BTG4: variants seen among roughly 807,000 people sequenced by gnomAD.
The protein encoded by BTG4 is protein BTG4.
Under a neutral mutation model 19.3 loss-of-function variants are expected in BTG4, and 10 were observed. That is an observed-to-expected ratio of 0.52 (90% CI 0.32 to 0.88). The LOEUF is 0.88. Among genes scored for constraint, BTG4 ranks in the 40% least tolerant of loss-of-function variants. The probability of loss-of-function intolerance (pLI) is 0.04; values close to 1 mark genes in which losing one functional copy is unlikely to be tolerated. For missense variants in BTG4, 238 were observed against 281.9 expected (o/e 0.84, Z 1.11); for synonymous variants, 91 against 95.7 (o/e 0.95, Z 0.29).
intron 1 of BTG4, among the ~76,000 whole-genome samples, chr11:111,509,611 G>A (rs367693494): frequency 4.6e-5 from 7 of 151,894 alleles, no homozygotes; most frequent in East Asian, 1.9e-4. Flanking sequence ...CAAAAGAATC[G>A]CTTGAACCTA....
chr11:111,507,040 T>A (rs749068534), intron 1 of BTG4, among the ~76,000 whole-genome samples: 3 of 151,922 alleles, frequency 2.0e-5, no homozygotes, highest in Non-Finnish European at 2.9e-5. Flanking sequence ...GAGGATTATG[T>A]AAATTTTTTA....
the BTG4 span, chr11:111,414,237 C>G: frequency 6.6e-6 from 1 of 152,190 alleles, no homozygotes. Context: ...AAGGTGGACA[C>G]AGAGTGCATG....
chr11:111,497,040 G>T (rs1409419697), intron 4 of BTG4, 171 bp downstream of exon 4: 2 of 563,096 alleles, frequency 3.6e-6, no homozygotes. Context: ...GGAATACATT[G>T]TGCAGTGAAG....
intron 3 of BTG4, among the ~76,000 whole-genome samples, 166 bp from the exon 4 acceptor site, chr11:111,497,575 T>C (rs1029997089): frequency 1.3e-5 from 2 of 152,244 alleles, no homozygotes; most frequent in African/African-American, 4.8e-5. Flanking sequence ...TAGGATATTC[T>C]ATAAGAGCTA....
At chr11:111,436,441 C>T in the BTG4 span, among the ~76,000 whole-genome samples, 1 of 152,126 alleles carries the variant, frequency 6.6e-6, no homozygotes, top group Non-Finnish European at 1.5e-5. Context: ...GCCTGGCAAA[C>T]ATGGCAAAAC....
chr11:111,408,878 A>G, the BTG4 span, among the ~76,000 whole-genome samples: 11 of 152,222 alleles, frequency 7.2e-5, no homozygotes, highest in Admixed American at 6.5e-4. Context: ...AAATATTATA[A>G]GACAATGGGA....
intron 5 of BTG4, among the ~76,000 whole-genome samples, chr11:111,481,676 TA>T (rs932098719): frequency 6.6e-6 from 1 of 151,836 alleles, no homozygotes. Context: ...GTATATTTTT[TA>T]AAAAAATCAT....
the BTG4 span, among the ~76,000 whole-genome samples, chr11:111,438,693 C>G: frequency 6.6e-6 from 1 of 152,202 alleles, no homozygotes; most frequent in Non-Finnish European, 1.5e-5. Context: ...GGATAATCCT[C>G]CCAAGTCCTT....
chr11:111,479,056 C>T, intron 5 of BTG4, among the ~76,000 whole-genome samples: 1 of 151,910 alleles, frequency 6.6e-6, no homozygotes, highest in African/African-American at 2.4e-5. Context: ...AACTCCACAC[C>T]ACCACATCAT....
chr11:111,465,817 G>A (rs372957478), downstream of BTG4, among the ~76,000 whole-genome samples: 3 of 152,112 alleles, frequency 2.0e-5, no homozygotes, highest in African/African-American at 2.4e-5. Context: ...TCTACCGTGA[G>A]GAAAGGGAAC....
At chr11:111,441,926 G>GTGCATGCCTATAATCCCAGC in the BTG4 span, among the ~76,000 whole-genome samples, 1 of 151,922 alleles carries the variant, frequency 6.6e-6, no homozygotes, top group African/African-American at 2.4e-5. Context: ...AGGCATGGTG[G>GTGCATGCCTATAATCCCAGC]TGCATGCCTA....
chr11:111,469,830 G>T (rs1863956448), intron 5 of BTG4: 1 of 152,692 alleles, frequency 6.5e-6, no homozygotes, highest in African/African-American at 2.4e-5. Context: ...ATCACACTGA[G>T]AATGGCAGCA....
intron 5 of BTG4, among the ~76,000 whole-genome samples, chr11:111,476,546 T>C (rs1449777040): frequency 6.6e-6 from 1 of 152,196 alleles, no homozygotes; most frequent in Non-Finnish European, 1.5e-5. Context: ...CTCCTCTATT[T>C]TGAGTTTTTT....
chr11:111,424,460 G>GCA, the BTG4 span, among the ~76,000 whole-genome samples: 1 of 152,226 alleles, frequency 6.6e-6, no homozygotes, highest in Admixed American at 6.5e-5. Context: ...TATAATTTTT[G>GCA]CTGTAAGATG....
intron 3 of BTG4, 124 bp downstream of exon 3, chr11:111,497,874 A>T: frequency 9.4e-7 from 1 of 1,065,588 alleles, no homozygotes; most frequent in Non-Finnish European, 1.3e-6. Context: ...CTAAAATCTT[A>T]ACCAAGAAGT....
At chr11:111,446,342 G>A in the BTG4 span, among the ~76,000 whole-genome samples, 1 of 152,116 alleles carries the variant, frequency 6.6e-6, no homozygotes, top group African/African-American at 2.4e-5. Flanking sequence ...AATCTCACAA[G>A]GTAGTTGTGA....
the BTG4 span, among the ~76,000 whole-genome samples, chr11:111,403,491 C>T: frequency 1.3e-5 from 2 of 152,252 alleles, no homozygotes; most frequent in Admixed American, 1.3e-4. Flanking sequence ...TATTTCTGGG[C>T]CAGAACTGAC....
rs981619925 is a variant in BTG4, at chr11:111,494,832, G to A, written c.*303C>T. On this transcript the variant is annotated 3_prime_UTR_variant, in exon 5 of 5. Transcript: ENST00000692032. ...CTAAGAAGTATTAAAAACACTGTAC[G>A]TTTATTTAAACCATTACTTTTCATA... 4.5e-5 allele frequency: 42 copies of A among 940,238 alleles called. No individual in the cohort carries two copies. The highest frequency in any genetic ancestry group is 1.8e-4 in the African/African-American group (10 of 56,368). 58.2% of individuals were successfully genotyped at this position (940,238 alleles called of 1,614,324 possible). A position where few individuals can be genotyped will look rare whatever the true frequency, so the allele number is the denominator to read the frequency against.
intron 5 of BTG4, among the ~76,000 whole-genome samples, chr11:111,471,762 G>A (rs1294547276): frequency 2.0e-5 from 3 of 151,976 alleles, no homozygotes; most frequent in Admixed American, 6.6e-5. Flanking sequence ...CTGTTTATTG[G>A]CCATCTCCAC....
Sources: allele counts gnomAD v4.1 joint callset (sites outside exome capture counted in the v4.1 genomes callset), GRCh38; gene constraint gnomAD v4.1.1; transcripts MANE v1.5; gene names NCBI Gene and HGNC (gene_info 2026-07-23, HGNC 2026-07-21).